SYBU: variants seen among roughly 807,000 people sequenced by gnomAD.
SYBU encodes the protein syntabulin, also known as GOLSYN A protein.
Under a neutral mutation model 35.9 loss-of-function variants are expected in SYBU, and 21 were observed. The ratio of observed to expected loss-of-function variants is 0.58; its 90% CI spans 0.41 to 0.84. The LOEUF (loss-of-function observed/expected upper bound fraction) is 0.84, where lower values mean the gene tolerates loss of function less well. Ranked by LOEUF, SYBU falls within the 40% of genes least tolerant of loss-of-function variation. The probability of loss-of-function intolerance (pLI) is 0.00; values close to 1 mark genes in which losing one functional copy is unlikely to be tolerated. For missense variants in SYBU, 768 were observed against 848.2 expected, an observed-to-expected ratio of 0.91 and a Z score of 1.17; for synonymous variants, 319 against 324.3, an observed-to-expected ratio of 0.98 and a Z score of 0.18.
rs1420871963 is a variant in SYBU at position 109,584,472 on chromosome 8, G to A, written c.530+1588C>T. On this transcript the variant is annotated intron_variant, in intron 4 of 6. Transcript: ENST00000276646. The surrounding 1 kb of genome is among the most constrained non-coding windows in gnomAD (Gnocchi z 4.0). ...TATTGTTTGATACTTTGTTCCATGTGTATGTCATAATTTCTTGAGTGGGTT... is the reference window on the plus strand; with the variant it reads ...TATTGTTTGATACTTTGTTCCATGTATATGTCATAATTTCTTGAGTGGGTT... Among the ~76,000 whole-genome samples, 2 of 152,056 alleles carry A rather than the reference G, an allele frequency of 1.3e-5. No homozygotes were observed. The highest frequency in any genetic ancestry group is 2.9e-5 in the Non-Finnish European group (2 of 68,018).
intron 3 of SYBU, among the ~76,000 whole-genome samples, chr8:109,596,084 T>C (rs1824844212): frequency 6.6e-6 from 1 of 152,142 alleles, no homozygotes; most frequent in Admixed American, 6.5e-5. Flanking sequence ...CCCTTCTTGA[T>C]CTCCATTTAG....
rs1227901470 is a variant in SYBU, at chr8:109,575,567, T to C, written c.1331A>G (p.Glu444Gly). Residue 444 changes from glutamate (E) to glycine (G), a missense_variant, in exon 7 of 7, where the codon GAG becomes GGG. Glu to Gly is a moderately conservative substitution (Grantham distance 98, BLOSUM62 -2). Coordinates refer to ENST00000276646, the MANE Select transcript of SYBU (RefSeq NM_001099754.2). ...SIANSTDLFD[E>G]IVTATTTESG... is the part of the protein sequence containing the mutation. ...TTCTGTGGTGGTGGCTGTCACTATC[T>C]CATCGAACAAATCTGTGCTGTTGGC... 1 of 1,613,984 alleles carries C rather than the reference T, an allele frequency of 6.2e-7. No individual in the cohort carries two copies. Among genetic ancestry groups the C allele is most frequent in the African/African-American group, 1.3e-5 (1 of 74,888 alleles).
At chr8:109,600,350 C>T (rs1310840265) in intron 3 of SYBU, among the ~76,000 whole-genome samples, 1 of 152,176 alleles carries the variant, frequency 6.6e-6, no homozygotes, top group African/African-American at 2.4e-5. Context: ...CCTTCCACTC[C>T]TACTTCCAGC....
intron 2 of SYBU, among the ~76,000 whole-genome samples, chr8:109,634,969 C>T (rs998534387): frequency 2.0e-5 from 3 of 152,130 alleles, no homozygotes; most frequent in African/African-American, 7.2e-5. Context: ...CTTCTCAGTT[C>T]AAAAACTTTA....
intron 2 of SYBU, among the ~76,000 whole-genome samples, chr8:109,623,919 A>C (rs2130433888): frequency 6.6e-6 from 1 of 152,268 alleles, no homozygotes; most frequent in East Asian, 1.9e-4. Context: ...TACCCAGAAA[A>C]ATATTTTGTG....
At chr8:109,600,606 G>A (rs1167294589) in intron 3 of SYBU, among the ~76,000 whole-genome samples, 2 of 152,192 alleles carry the variant, frequency 1.3e-5, no homozygotes, top group African/African-American at 4.8e-5. Context: ...AGGATGGGAG[G>A]TAGAAGATTG....
intron 2 of SYBU, among the ~76,000 whole-genome samples, chr8:109,640,454 G>T (rs1814731263): frequency 6.6e-6 from 1 of 152,078 alleles, no homozygotes; most frequent in South Asian, 2.1e-4. Context: ...AGAATACCAG[G>T]AATAAATGTG....
rs183074810 is a variant in SYBU at position 109,623,052 on chromosome 8, C to T, written c.230-4013G>A. ...GCGCGCACACACACACACACACAAA[C>T]GCACACCCCTCTTACATAGTTGAGT... On this transcript the variant is annotated intron_variant, in intron 2 of 6. Coordinates refer to ENST00000276646, the MANE Select transcript of SYBU (RefSeq NM_001099754.2). Among the ~76,000 whole-genome samples the T allele has an allele frequency of 8.4e-4, 127 of 151,942 alleles. 1 individual carries two copies. The highest frequency in any genetic ancestry group is 1.1e-3 in the Non-Finnish European group (73 of 68,004).
chr8:109,619,068 A>T, intron 2 of SYBU, 29 bp from the exon 3 acceptor site: 1 of 1,563,228 alleles, frequency 6.4e-7, no homozygotes, highest in Non-Finnish European at 8.8e-7. Context: ...TAAGTGTTTA[A>T]TGATGAGGAG....
intron 3 of SYBU, among the ~76,000 whole-genome samples, chr8:109,611,319 T>G (rs549668147): frequency 3.3e-5 from 5 of 152,312 alleles, no homozygotes; most frequent in Admixed American, 6.5e-5. Flanking sequence ...AGGATTATAA[T>G]TCACTAATTC....
chr8:109,648,272 T>TA (rs147651305), upstream of SYBU, among the ~76,000 whole-genome samples: 8,460 of 136,614 alleles, frequency 0.062, 681 homozygotes, highest in African/African-American at 0.22. Context: ...AATATATATA[T>TA]ATAATATATA....
chr8:109,578,735 G>A (rs899486363), intron 5 of SYBU, among the ~76,000 whole-genome samples: 1 of 152,152 alleles, frequency 6.6e-6, no homozygotes, highest in African/African-American at 2.4e-5. Context: ...TGAGGGTCAG[G>A]GGATGGGCCC....
chr8:109,607,808 TCACACACACACACACACACACA>T, intron 3 of SYBU: 4 of 375,452 alleles, frequency 1.1e-5, no homozygotes, highest in Admixed American at 4.5e-5. Context: ...CACAACTAAC[TCACACACACACACACACACACA>T]CACACACACA....
chr8:109,610,240 G>C (rs371708886), intron 3 of SYBU, among the ~76,000 whole-genome samples: 1 of 152,134 alleles, frequency 6.6e-6, no homozygotes, highest in African/African-American at 2.4e-5. Flanking sequence ...TTGTGTGCAA[G>C]CATCAGCCAT....
chr8:109,593,279 G>A (rs572935342), intron 3 of SYBU, among the ~76,000 whole-genome samples: 2 of 152,296 alleles, frequency 1.3e-5, no homozygotes, highest in South Asian at 2.1e-4. Flanking sequence ...TCTTCAGTGC[G>A]ATGTGAACAA....
intron 1 of SYBU, among the ~76,000 whole-genome samples, chr8:109,666,309 T>C (rs928028358): frequency 1.2e-4 from 19 of 152,320 alleles, no homozygotes; most frequent in African/African-American, 4.6e-4. Flanking sequence ...GTAGGGGCTG[T>C]CCTTTGCATT....
chr8:109,612,994 AAAG>A (rs1198526424), intron 3 of SYBU, among the ~76,000 whole-genome samples: 4 of 75,284 alleles, frequency 5.3e-5, no homozygotes, highest in East Asian at 5.5e-4. Context: ...AAAAAAAAAA[AAAG>A]AAGAAGAAGA....
chr8:109,593,155 A>G (rs764040633), intron 3 of SYBU, among the ~76,000 whole-genome samples: 3 of 152,226 alleles, frequency 2.0e-5, no homozygotes, highest in Admixed American at 6.5e-5. Context: ...TTTGATAATT[A>G]CTATAGCTGA....
chr8:109,644,965 G>T (rs1815465543), upstream of SYBU: 1 of 464,432 alleles, frequency 2.2e-6, no homozygotes, highest in East Asian at 3.9e-5. Context: ...CGCCCCACCC[G>T]CCCGATTTCC....
Sources: allele counts gnomAD v4.1 joint callset (sites outside exome capture counted in the v4.1 genomes callset), GRCh38; gene constraint gnomAD v4.1.1; non-coding constraint Gnocchi (gnomAD v3.1); transcripts MANE v1.5; gene names NCBI Gene and HGNC (gene_info 2026-07-23, HGNC 2026-07-21).